Variants in ITIH2 observed in about 807,000 individuals in gnomAD.
ITIH2 encodes inter-alpha-trypsin inhibitor heavy chain H2.
A neutral mutation model predicts 104.4 loss-of-function variants in ITIH2; 103 were observed. That is an observed-to-expected ratio of 0.99 (90% CI 0.84 to 1.16). The LOEUF (loss-of-function observed/expected upper bound fraction) is 1.16, where lower values mean the gene tolerates loss of function less well. Among genes scored for constraint, ITIH2 ranks in the 50% most tolerant of loss-of-function variants. The probability of loss-of-function intolerance (pLI) is 0.00; values close to 1 mark genes in which losing one functional copy is unlikely to be tolerated. For missense variants in ITIH2, 1,108 were observed against 1,162.4 expected, an observed-to-expected ratio of 0.95 and a Z score of 0.68; for synonymous variants, 436 against 435.4, an observed-to-expected ratio of 1.00 and a Z score of -0.02.
chr10:7,705,087 A>T (rs1834733289), intron 1 of ITIH2, 21 bp from the exon 2 acceptor site: 2 of 1,546,310 alleles, frequency 1.3e-6, no homozygotes, highest in Non-Finnish European at 1.8e-6. Context: ...AAAAAAAGTT[A>T]AAATCCTAAT....
At chr10:7,735,212 CTCCT>C in intron 15 of ITIH2, 121 bp downstream of exon 15, 3 of 814,488 alleles carry the variant, frequency 3.7e-6, no homozygotes, top group Non-Finnish European at 5.5e-6. Flanking sequence ...GCCCTGGGCC[CTCCT>C]GTGCCCAAGC....
intron 16 of ITIH2, among the ~76,000 whole-genome samples, chr10:7,739,639 C>A (rs1414693192): frequency 6.6e-6 from 1 of 152,130 alleles, no homozygotes; most frequent in Non-Finnish European, 1.5e-5. Flanking sequence ...ACTTGTAATC[C>A]CAGCACTTTT....
chr10:7,705,096 A>AT lies in ITIH2; in HGVS notation c.85-4dup. On this transcript the variant is annotated splice_polypyrimidine_tract_variant and intron_variant, in intron 1 of 20. Coordinates refer to ENST00000358415, the MANE Select transcript of ITIH2 (RefSeq NM_002216.3). Reference sequence around the variant, plus strand: ...TAAAAAAAAAAAAGTTAAAATCCTAATTTTTTTTAAGTTTGTAGACTATGA... The same window carrying AT: ...TAAAAAAAAAAAAGTTAAAATCCTAATTTTTTTTTAAGTTTGTAGACTATGA... 1.6e-5 allele frequency: 25 copies of AT among 1,562,442 alleles called. No homozygotes were observed. Among genetic ancestry groups the AT allele is most frequent in the South Asian group, 5.9e-5 (5 of 84,646 alleles).
chr10:7,745,814 G>A (rs569557926), intron 19 of ITIH2, among the ~76,000 whole-genome samples: 4 of 151,398 alleles, frequency 2.6e-5, no homozygotes, highest in African/African-American at 7.2e-5. Flanking sequence ...GAGCGCAGTG[G>A]CGCAATCTCG....
intron 9 of ITIH2, among the ~76,000 whole-genome samples, chr10:7,726,042 T>C (rs1834948899): frequency 6.6e-6 from 1 of 152,140 alleles, no homozygotes; most frequent in Admixed American, 6.5e-5. Flanking sequence ...GAAATGAAGA[T>C]GGACCTTTGG....
chr10:7,723,972 T>C (rs1206859188), intron 9 of ITIH2, among the ~76,000 whole-genome samples: 2 of 152,248 alleles, frequency 1.3e-5, no homozygotes, highest in East Asian at 3.8e-4. Flanking sequence ...TATTATAATA[T>C]CTTGTCATTG....
At chr10:7,717,585 T>C (rs1409564409) in intron 5 of ITIH2, 41 bp from the exon 6 acceptor site, 4 of 1,593,274 alleles carry the variant, frequency 2.5e-6, no homozygotes, top group Non-Finnish European at 3.4e-6. Flanking sequence ...TGCTGCTCAA[T>C]CATGTATCTG....
rs200992957 is a variant in ITIH2 at position 7,744,898 on chromosome 10, T to A, written c.2516T>A (p.Val839Asp). 3.7e-5 allele frequency: 59 copies of A among 1,614,064 alleles called. No homozygotes were observed. Among genetic ancestry groups the A allele is most frequent in the Non-Finnish European group, 4.9e-5 (58 of 1,180,010 alleles). ...HRVWKKHPVN[V>D]DFLGIYIPPT... is the part of the protein sequence containing the mutation. ...GTTTGGAAGAAGCATCCCGTCAATG[T>A]TGACTTTCTGGGAATCTACATACCC... Residue 839 changes from valine to aspartate, a missense_variant, in exon 19 of 21, where the codon GTT (valine) becomes GAT (aspartate). Coordinates refer to ENST00000358415, the MANE Select transcript of ITIH2 (RefSeq NM_002216.3).
chr10:7,722,097 C>T (rs1375556115), intron 8 of ITIH2, among the ~76,000 whole-genome samples: 1 of 152,006 alleles, frequency 6.6e-6, no homozygotes, highest in African/African-American at 2.4e-5. Flanking sequence ...TCAAAGAAAG[C>T]ACAGAGATTA....
chr10:7,714,530 C>T (rs1316789677), intron 5 of ITIH2, among the ~76,000 whole-genome samples: 1 of 152,152 alleles, frequency 6.6e-6, no homozygotes, highest in East Asian at 1.9e-4. Flanking sequence ...TCTTCTCTTA[C>T]ATCCCCAAAC....
Position 7,743,268 on chromosome 10 carries a change from A to G in ITIH2, c.2209+9A>G. On this transcript the variant is annotated intron_variant, in intron 17 of 20. Transcript: ENST00000358415. ...TTCTGACCCAGAATCAGGTAAAATAAAAATAAATTATATTTGCACCAATTA... is the reference window on the plus strand; with the variant it reads ...TTCTGACCCAGAATCAGGTAAAATAGAAATAAATTATATTTGCACCAATTA... 2 of 1,389,918 alleles carry G rather than the reference A, an allele frequency of 1.4e-6. No individual in the cohort carries two copies. The highest frequency in any genetic ancestry group is 2.5e-5 in the South Asian group (2 of 79,308). 86.1% of individuals were successfully genotyped at this position (1,389,918 alleles called of 1,614,324 possible).
intron 15 of ITIH2, among the ~76,000 whole-genome samples, chr10:7,737,446 T>TATATAA (rs1457026143): frequency 2.1e-5 from 3 of 141,674 alleles, no homozygotes; most frequent in African/African-American, 7.8e-5. Flanking sequence ...TATATATATA[T>TATATAA]AACAGATAAC....
chr10:7,724,697 A>G (rs1588455521), intron 9 of ITIH2, among the ~76,000 whole-genome samples: 3 of 151,708 alleles, frequency 2.0e-5, no homozygotes, highest in South Asian at 2.1e-4. Flanking sequence ...CAGTGGGACT[A>G]TTGATATTTT....
At chr10:7,721,062 G>T in intron 7 of ITIH2, 99 bp downstream of exon 7, 1 of 786,104 alleles carries the variant, frequency 1.3e-6, no homozygotes. Context: ...GCAGGCTGGT[G>T]TTGAGGACAC....
At position 7,720,836 on chromosome 10, in the gene ITIH2, A is replaced by G. The variant is rs1485233791; in HGVS notation, c.631-20A>G. The G allele has an allele frequency of 6.9e-7, 1 of 1,455,734 alleles. No homozygotes were observed. Among genetic ancestry groups the G allele is most frequent in the Non-Finnish European group, 9.6e-7 (1 of 1,037,838 alleles). The allele number at this position is 1,455,734 out of a possible 1,614,324, so 90.2% of individuals were successfully genotyped here. A position where few individuals can be genotyped will look rare whatever the true frequency, so the allele number is the denominator to read the frequency against. ...TTAAAGACTTTTAATGCTTTGGGTA[A>G]TTTTCTCTTGCATCTCTAGGTAGAT... is the stretch of plus-strand genomic sequence containing the variant. On this transcript the variant is annotated intron_variant, in intron 6 of 20. Transcript: ENST00000358415.
At chr10:7,733,082 G>A (rs368448953) in intron 14 of ITIH2, among the ~76,000 whole-genome samples, 2 of 151,858 alleles carry the variant, frequency 1.3e-5, no homozygotes, top group African/African-American at 4.8e-5. Flanking sequence ...TATCATCCGT[G>A]TAATCACCAC....
rs140647463 is a variant in ITIH2 at position 7,725,867 on chromosome 10, G to A, written c.985-1083G>A. The stretch of plus-strand genomic sequence containing the variant: ...ACAAGGGAGCCAAGATCAGACAACA[G>A]AGCATTCCAATATTGGGAATTTGGG... On this transcript the variant is annotated intron_variant, in intron 9 of 20. Coordinates refer to ENST00000358415, the MANE Select transcript of ITIH2 (RefSeq NM_002216.3). 1.5e-3 allele frequency among the ~76,000 whole-genome samples: 230 copies of A among 152,302 alleles called. 1 individual carries two copies. Among genetic ancestry groups the A allele is most frequent in the African/African-American group, 5.4e-3 (223 of 41,560 alleles).
intron 6 of ITIH2, among the ~76,000 whole-genome samples, chr10:7,720,527 G>A (rs1381426923): frequency 1.3e-5 from 2 of 151,998 alleles, no homozygotes; most frequent in African/African-American, 2.4e-5. Flanking sequence ...TAACAATGAG[G>A]GAAAAAGAAG....
chr10:7,747,433 T>C (rs989038504), intron 20 of ITIH2, among the ~76,000 whole-genome samples: 7 of 152,122 alleles, frequency 4.6e-5, no homozygotes, highest in African/African-American at 1.7e-4. Flanking sequence ...CGAAAGTAGA[T>C]TTGTGAACTG....
Sources: allele counts gnomAD v4.1 joint callset (sites outside exome capture counted in the v4.1 genomes callset), GRCh38; gene constraint gnomAD v4.1.1; transcripts MANE v1.5; gene names NCBI Gene and HGNC (gene_info 2026-07-23, HGNC 2026-07-21).